CUBN: variants seen among roughly 807,000 people sequenced by gnomAD.
CUBN encodes the protein 460 kDa receptor.
A neutral mutation model predicts 405.3 loss-of-function variants in CUBN; 282 were observed. The ratio of observed to expected loss-of-function variants is 0.70; its 90% CI spans 0.63 to 0.77. The LOEUF is 0.77. CUBN is among the 30% of genes least tolerant of loss of function. The pLI is 0.00. For synonymous variants in CUBN, 1,684 were observed against 1,617.0 expected (o/e 1.04, Z -0.99); for missense variants, 4,514 against 4,475.2 (o/e 1.01, Z -0.25).
chr10:17,126,631 T>C (rs1837198034), intron 4 of CUBN, 130 bp downstream of exon 4: 1 of 983,742 alleles, frequency 1.0e-6, no homozygotes, highest in Non-Finnish European at 1.6e-6. Context: ...GGATGAGAAT[T>C]AAATTATGGG....
At chr10:17,039,921 G>T (rs1402065334) in intron 27 of CUBN, among the ~76,000 whole-genome samples, 1 of 152,158 alleles carries the variant, frequency 6.6e-6, no homozygotes, top group Non-Finnish European at 1.5e-5. Flanking sequence ...CTCTCAAAGT[G>T]CAGAATGCTT....
At chr10:17,036,797 A>G (rs536192390) in intron 27 of CUBN, among the ~76,000 whole-genome samples, 1 of 152,338 alleles carries the variant, frequency 6.6e-6, no homozygotes, top group African/African-American at 2.4e-5. Flanking sequence ...CATGCAAAAC[A>G]TTGATTTCTC....
At chr10:16,921,721 ATCC>A (rs1842039353) in intron 43 of CUBN, among the ~76,000 whole-genome samples, 1 of 152,196 alleles carries the variant, frequency 6.6e-6, no homozygotes, top group African/African-American at 2.4e-5. Context: ...GCCCTCAGGA[ATCC>A]TCCTGTAGGC....
chr10:16,928,032 G>T, intron 41 of CUBN, 125 bp downstream of exon 41: 1 of 1,062,478 alleles, frequency 9.4e-7, no homozygotes, highest in Non-Finnish European at 1.4e-6. Context: ...CCTGGGCAGA[G>T]ACCCATGTCC....
intron 27 of CUBN, among the ~76,000 whole-genome samples, chr10:17,037,030 C>T (rs140385585): frequency 3.5e-4 from 54 of 152,224 alleles, no homozygotes; most frequent in Non-Finnish European, 4.7e-4. Context: ...TCTCACCTAA[C>T]GAATGGGGAT....
intron 62 of CUBN, among the ~76,000 whole-genome samples, chr10:16,838,469 C>T (rs1345603496): frequency 6.6e-6 from 1 of 152,196 alleles, no homozygotes; most frequent in Non-Finnish European, 1.5e-5. Flanking sequence ...AATCCCTTTG[C>T]ATATTTTCCC....
chr10:17,036,110 C>T (rs572348029), intron 27 of CUBN, among the ~76,000 whole-genome samples: 25 of 152,252 alleles, frequency 1.6e-4, no homozygotes, highest in East Asian at 7.7e-4. Flanking sequence ...TGAACATCAC[C>T]GGCTAGAGGG....
At chr10:17,035,662 G>C (rs1834879812) in intron 27 of CUBN, among the ~76,000 whole-genome samples, 1 of 152,194 alleles carries the variant, frequency 6.6e-6, no homozygotes, top group South Asian at 2.1e-4. Context: ...CCATAAAAAA[G>C]AGCAAGATCA....
At position 16,937,824 on chromosome 10, in the gene CUBN, T is replaced by C. The variant is rs779051934; in HGVS notation, c.5734-40A>G. 1.1e-5 allele frequency: 18 copies of C among 1,567,036 alleles called. No individual in the cohort carries two copies. The East Asian group carries it at 1.6e-4, about 14-fold the overall frequency. On this transcript the variant is annotated intron_variant, in intron 38 of 66. Transcript: ENST00000377833. ...AGATAATAGAGCATTGTATTATCTA[T>C]ATTTTTCTTCATAAAAAGATAAAAT...
chr10:16,947,436 A>T lies in CUBN; in HGVS notation c.5210-69T>A, dbSNP rs75906986. ...CATCAGACACTATAAAATAAAGGAG[A>T]AAGAACGCTAGAGCCATTATCAATG... is the stretch of plus-strand genomic sequence containing the variant. On this transcript the variant is annotated intron_variant, in intron 35 of 66. Transcript: ENST00000377833. The T allele has an allele frequency of 6.9e-4, 1,022 of 1,485,452 alleles. 6 individuals are homozygous for T. In the African/African-American group the frequency reaches 0.013, roughly 19 times the overall value. The allele number at this position is 1,485,452 out of a possible 1,614,324, so 92.0% of individuals were successfully genotyped here.
chr10:16,994,488 C>A (rs1393567476), intron 28 of CUBN, among the ~76,000 whole-genome samples: 1 of 152,078 alleles, frequency 6.6e-6, no homozygotes, highest in Non-Finnish European at 1.5e-5. Context: ...CCTGCCATTA[C>A]CAGTCATATT....
intron 9 of CUBN, among the ~76,000 whole-genome samples, chr10:17,110,420 T>C (rs45613435): frequency 1.3e-5 from 2 of 152,260 alleles, no homozygotes; most frequent in Non-Finnish European, 2.9e-5. Flanking sequence ...TCTACTGATA[T>C]TCAAAATGTT....
chr10:16,833,154 G>C (rs2131306839), intron 64 of CUBN, among the ~76,000 whole-genome samples: 1 of 152,272 alleles, frequency 6.6e-6, no homozygotes, highest in East Asian at 1.9e-4. Context: ...TGAGTTAAGA[G>C]TTAGTTGCAC....
Position 16,945,950 on chromosome 10 carries a change from C to T in CUBN, c.5342+1285G>A, listed in dbSNP as rs1842767047. 3.9e-5 allele frequency among the ~76,000 whole-genome samples: 6 copies of T among 152,044 alleles called. 1 individual carries two copies. In the South Asian group the frequency reaches 1.2e-3, roughly 32 times the overall value. On this transcript the variant is annotated intron_variant, in intron 36 of 66. Transcript: ENST00000377833. ...CAACTTGAGATGTTTGAACTTGGTCCACAAATAGGATAGTTGTCCCATATT... is the reference window on the plus strand; with the variant it reads ...CAACTTGAGATGTTTGAACTTGGTCTACAAATAGGATAGTTGTCCCATATT...
intron 31 of CUBN, among the ~76,000 whole-genome samples, chr10:16,967,829 G>T (rs1338939575): frequency 7.7e-6 from 1 of 129,690 alleles, no homozygotes. Context: ...GAGGGAGAGA[G>T]AGAGAAGGAG....
intron 62 of CUBN, 59 bp downstream of exon 62, chr10:16,840,271 T>G: frequency 7.0e-7 from 1 of 1,419,116 alleles, no homozygotes; most frequent in South Asian, 1.1e-5. Flanking sequence ...TTCAAGTGTT[T>G]TGCAAATACT....
chr10:17,087,466 CTTTTTCTTTTT>C (rs1271921560), intron 15 of CUBN, among the ~76,000 whole-genome samples: 4 of 79,772 alleles, frequency 5.0e-5, no homozygotes, highest in Non-Finnish European at 6.9e-5. Context: ...TATTATTTTT[CTTTTTCTTTTT>C]TTTTTTTTTT....
rs1407243800 is a variant in CUBN at position 16,959,390 on chromosome 10, A to G, written c.4696-4842T>C. ...CACGCCTGTAATCCCAGACTTTGGG[A>G]AGCTGAGGTGGGCAGATCACCTGAA... On this transcript the variant is annotated intron_variant, in intron 31 of 66. Coordinates refer to ENST00000377833, the MANE Select transcript of CUBN (RefSeq NM_001081.4). Among the ~76,000 whole-genome samples, 3 of 152,118 alleles carry G rather than the reference A, an allele frequency of 2.0e-5. No homozygotes were observed. In the East Asian group the frequency reaches 5.8e-4, roughly 29 times the overall value.
chr10:16,836,546 T>G lies in CUBN; in HGVS notation c.10033-164A>C, dbSNP rs114653294. 0.012 allele frequency among the ~76,000 whole-genome samples: 1,886 copies of G among 152,338 alleles called. 47 individuals are homozygous for G. The highest frequency in any genetic ancestry group is 0.042 in the African/African-American group (1,753 of 41,582). Reference sequence around the variant, plus strand: ...AAGAAGACTCACGTTGGCCTTGGAATTGATGCAAGTTGCACCTTCCCAGAG... The same window carrying G: ...AAGAAGACTCACGTTGGCCTTGGAAGTGATGCAAGTTGCACCTTCCCAGAG... On this transcript the variant is annotated intron_variant, in intron 62 of 66. Coordinates refer to ENST00000377833, the MANE Select transcript of CUBN (RefSeq NM_001081.4).
Sources: gnomAD v4.1 joint callset for allele counts (sites outside exome capture counted in the v4.1 genomes callset) on GRCh38, gnomAD v4.1.1 for gene constraint, MANE v1.5 for transcripts, NCBI Gene and HGNC (gene_info 2026-07-23, HGNC 2026-07-21) for gene names.